Variants in GLYR1 observed in about 807,000 individuals in gnomAD.
GLYR1 encodes cytokine-like nuclear factor N-PAC.
A neutral mutation model predicts 72.7 loss-of-function variants in GLYR1; 21 were observed. The ratio of observed to expected loss-of-function variants is 0.29; its 90% CI spans 0.20 to 0.42. The LOEUF is 0.42. Ranked by LOEUF, GLYR1 falls within the 10% of genes least tolerant of loss-of-function variation. The pLI, the probability that GLYR1 is intolerant of heterozygous loss-of-function variation, is 1.00. For missense variants in GLYR1, 594 were observed against 712.1 expected (o/e 0.83, Z 1.89); for synonymous variants, 392 against 270.2 (o/e 1.45, Z -4.42).
chr16:4,845,017 G>T, intron 3 of GLYR1, 57 bp downstream of exon 3: 1 of 1,129,070 alleles, frequency 8.9e-7, no homozygotes, highest in Non-Finnish European at 1.3e-6. Flanking sequence ...AAGCAGCTCA[G>T]ACTCCAGGTA....
intron 13 of GLYR1, 82 bp from the exon 14 acceptor site, chr16:4,811,884 CCCACCTCTCT>C (rs771017570): frequency 2.7e-6 from 4 of 1,497,692 alleles, no homozygotes; most frequent in Non-Finnish European, 3.6e-6. Flanking sequence ...TCTGCTCAGA[CCCACCTCTCT>C]CCAGGGGAGG....
At chr16:4,836,723 T>A (rs561275070) in intron 3 of GLYR1, among the ~76,000 whole-genome samples, 1 of 151,990 alleles carries the variant, frequency 6.6e-6, no homozygotes, top group East Asian at 1.9e-4. Flanking sequence ...CAGAAACTGG[T>A]CTAACTGGGT....
chr16:4,843,104 T>C (rs1309386467), intron 3 of GLYR1, among the ~76,000 whole-genome samples: 1 of 152,228 alleles, frequency 6.6e-6, no homozygotes, highest in Non-Finnish European at 1.5e-5. Context: ...ATTCCCTCAG[T>C]GTCAAGCAAT....
intron 3 of GLYR1, chr16:4,839,807 A>C (rs2085414863): frequency 6.6e-6 from 1 of 152,176 alleles, no homozygotes; most frequent in South Asian, 2.1e-4. Flanking sequence ...TCTGCTCTTT[A>C]ATAAAAGACC....
At chr16:4,805,958 G>A (rs2082943992) in intron 15 of GLYR1, among the ~76,000 whole-genome samples, 1 of 152,138 alleles carries the variant, frequency 6.6e-6, no homozygotes. Context: ...TCCAGTCTGG[G>A]TGACAGAGCG....
At position 4,817,553 on chromosome 16, in the gene GLYR1, C is replaced by T. The variant is rs775639455; in HGVS notation, c.906+45G>A. 37 of 1,192,144 alleles carry T rather than the reference C, an allele frequency of 3.1e-5. No homozygotes were observed. In the East Asian group the frequency reaches 7.7e-4, roughly 25 times the overall value. 73.8% of individuals were successfully genotyped at this position (1,192,144 alleles called of 1,614,324 possible). A position where few individuals can be genotyped will look rare whatever the true frequency, so the allele number is the denominator to read the frequency against. On this transcript the variant is annotated intron_variant, in intron 10 of 15. Transcript: ENST00000321919. ...GGGGAGATGTCCACTCTTAGGGTTA[C>T]CCCAGACTCCACCGATCCAACAGGC...
chr16:4,814,564 G>A lies in GLYR1; in HGVS notation c.990C>T (p.Cys330=), dbSNP rs201145933. ...CCTTGGCCGCCTTGGGATCCGACAC[G>A]CAGGCGAAAGTGATGTCGCAGGTTG... ...VVSTCDITFA[C]VSDPKAAKDL... Residue 330 remains cysteine, a synonymous_variant, in exon 11 of 16, where the codon TGC becomes TGT. Coordinates refer to ENST00000321919, the MANE Select transcript of GLYR1 (RefSeq NM_032569.4). 5.0e-6 allele frequency: 8 copies of A among 1,613,884 alleles called. No homozygotes were observed. The highest frequency in any genetic ancestry group is 2.2e-5 in the East Asian group (1 of 44,880).
chr16:4,828,576 C>T (rs1286191586), intron 5 of GLYR1, among the ~76,000 whole-genome samples: 2 of 152,010 alleles, frequency 1.3e-5, no homozygotes, highest in Non-Finnish European at 2.9e-5. Context: ...TTATTGGGAG[C>T]TCGTGAGACG....
At chr16:4,825,332 C>G (rs535397218) in intron 5 of GLYR1, among the ~76,000 whole-genome samples, 1 of 152,246 alleles carries the variant, frequency 6.6e-6, no homozygotes, top group Non-Finnish European at 1.5e-5. Flanking sequence ...AGCTCGTTAG[C>G]ACCCTGCTGG....
At chr16:4,808,825 A>G (rs148467541) in intron 15 of GLYR1, among the ~76,000 whole-genome samples, 1,805 of 151,854 alleles carry the variant, frequency 0.012, 41 homozygotes, top group African/African-American at 0.041. Flanking sequence ...GTGAAGTTGG[A>G]TACAGTTGTG....
At chr16:4,831,930 G>T in intron 5 of GLYR1, 49 bp downstream of exon 5, 2 of 1,590,576 alleles carry the variant, frequency 1.3e-6, no homozygotes, top group African/African-American at 1.4e-5. Context: ...ACTCTACCTT[G>T]TACTAAAAGG....
At position 4,825,648 on chromosome 16, in the gene GLYR1, A is replaced by G. The variant is rs1199719227; in HGVS notation, c.538-1741T>C. ...TGCCCCTTCATGAAACAGAATTATT[A>G]TCATCTTCTTTTTTTTTTTTTGAGA... On this transcript the variant is annotated intron_variant, in intron 5 of 15. Transcript: ENST00000321919. Among the ~76,000 whole-genome samples the G allele has an allele frequency of 2.1e-5, 3 of 140,684 alleles. No homozygotes were observed. In the East Asian group the frequency reaches 6.1e-4, roughly 28 times the overall value. 92.3% of individuals were successfully genotyped at this position (140,684 alleles called of 152,430 possible).
chr16:4,813,916 A>G lies in GLYR1; in HGVS notation c.1018-78T>C, dbSNP rs776904963. The G allele has an allele frequency of 1.0e-5, 11 of 1,094,632 alleles. No individual in the cohort carries two copies. In the East Asian group the frequency reaches 2.6e-4, roughly 26 times the overall value. The allele number at this position is 1,094,632 out of a possible 1,614,324, so 67.8% of individuals were successfully genotyped here. On this transcript the variant is annotated intron_variant, in intron 11 of 15. Coordinates refer to ENST00000321919, the MANE Select transcript of GLYR1 (RefSeq NM_032569.4). The stretch of plus-strand genomic sequence containing the variant: ...GGAGCCCTACAGACCTCAGATCAGA[A>G]TCCTGCTGCTGTTTTGGCTCATTTC...
intron 3 of GLYR1, 27 bp downstream of exon 3, chr16:4,845,047 G>T: frequency 2.0e-6 from 3 of 1,488,836 alleles, no homozygotes; most frequent in Non-Finnish European, 1.9e-6. Context: ...GAAAGGCGAA[G>T]GGAGACTCCT....
chr16:4,837,214 T>C lies in GLYR1; in HGVS notation c.156-4302A>G, dbSNP rs548060200. Among the ~76,000 whole-genome samples the C allele has an allele frequency of 2.0e-4, 31 of 152,234 alleles. No individual in the cohort carries two copies. In the East Asian group the frequency reaches 4.5e-3, roughly 22 times the overall value. Reference sequence around the variant, plus strand: ...ACCTTGGGAGACCGAGGCAGGTGGATTGAGGCCAGGAATTCGACACCAGCC... The same window carrying C: ...ACCTTGGGAGACCGAGGCAGGTGGACTGAGGCCAGGAATTCGACACCAGCC... On this transcript the variant is annotated intron_variant, in intron 3 of 15. Transcript: ENST00000321919.
intron 5 of GLYR1, among the ~76,000 whole-genome samples, chr16:4,829,280 T>A (rs867021949): frequency 6.6e-6 from 1 of 152,008 alleles, no homozygotes; most frequent in Non-Finnish European, 1.5e-5. Flanking sequence ...AAAATTGGGA[T>A]ATTTCACATA....
At chr16:4,833,021 T>C in intron 3 of GLYR1, 109 bp from the exon 4 acceptor site, 1 of 994,834 alleles carries the variant, frequency 1.0e-6, no homozygotes, top group Non-Finnish European at 1.4e-6. Flanking sequence ...TAACTGGACT[T>C]TGCAATAGGC....
In GLYR1 at chr16:4,832,852, T is replaced by C. The variant is rs1251024791; in HGVS notation, c.216A>G (p.Lys72=). ...GCTGGAATCGTTTACCCTTGTTAAT[T>C]TTTATCATTTCCTCTTTATGAGCAT... ...PYHAHKEEMI[K]INKGKRFQQA... Residue 72 remains lysine, a synonymous_variant, in exon 4 of 16, where the codon AAA becomes AAG. Transcript: ENST00000321919. 6 of 1,613,870 alleles carry C rather than the reference T, an allele frequency of 3.7e-6. No homozygotes were observed. The highest frequency in any genetic ancestry group is 1.1e-5 in the South Asian group (1 of 90,974).
At chr16:4,812,294 G>A (rs11644494) in intron 12 of GLYR1, 46 bp from the exon 13 acceptor site, 17 of 1,580,986 alleles carry the variant, frequency 1.1e-5, no homozygotes, top group Admixed American at 1.8e-5. Flanking sequence ...CTCTCCCAGC[G>A]CTCTCTGGGC....
Sources: allele counts gnomAD v4.1 joint callset (sites outside exome capture counted in the v4.1 genomes callset), GRCh38; gene constraint gnomAD v4.1.1; transcripts MANE v1.5; gene names NCBI Gene and HGNC (gene_info 2026-07-23, HGNC 2026-07-21).